The following BCAR3 variants were observed in gnomAD, a reference collection of about 807,000 sequenced individuals.
The protein encoded by BCAR3 is breast cancer anti-estrogen resistance protein 3.
In BCAR3, 37 loss-of-function variants were observed where a neutral mutation model predicts 80.1. The ratio of observed to expected loss-of-function variants is 0.46; its 90% CI spans 0.36 to 0.61. The LOEUF (loss-of-function observed/expected upper bound fraction) is 0.61. Ranked by LOEUF, BCAR3 falls within the 20% of genes least tolerant of loss-of-function variation. BCAR3 has a pLI of 0.00. For synonymous variants in BCAR3, 389 were observed against 418.9 expected (o/e 0.93, Z 0.87); for missense variants, 978 against 1,068.2 (o/e 0.92, Z 1.18).
intron 7 of BCAR3, among the ~76,000 whole-genome samples, chr1:93,579,111 G>A (rs900200706): frequency 6.6e-6 from 1 of 152,196 alleles, no homozygotes; most frequent in African/African-American, 2.4e-5. Context: ...GGACACAGCA[G>A]GACAGGGAGC....
intron 2 of BCAR3, among the ~76,000 whole-genome samples, chr1:93,749,648 A>G (rs1651482814): frequency 2.0e-5 from 3 of 151,992 alleles, no homozygotes. Flanking sequence ...AACAAAACTG[A>G]AACTAGGAAG....
At chr1:93,773,258 A>G (rs1258368447) in intron 2 of BCAR3, among the ~76,000 whole-genome samples, 1 of 152,224 alleles carries the variant, frequency 6.6e-6, no homozygotes, top group Non-Finnish European at 1.5e-5. Flanking sequence ...TGAAAGTCAC[A>G]GTTGTTCAAA....
chr1:93,568,720 A>C (rs1049489081), intron 9 of BCAR3, among the ~76,000 whole-genome samples: 1 of 152,356 alleles, frequency 6.6e-6, no homozygotes. Context: ...TTGCCTCAAA[A>C]GCATTCAGTA....
intron 2 of BCAR3, among the ~76,000 whole-genome samples, chr1:93,710,120 C>G (rs115540231): frequency 0.017 from 2,600 of 152,262 alleles, 68 homozygotes; most frequent in African/African-American, 0.059. Context: ...CTCTGTAAAA[C>G]AGTATAAACT....
chr1:93,674,017 G>GT (rs747796359), intron 2 of BCAR3, among the ~76,000 whole-genome samples: 54 of 152,108 alleles, frequency 3.6e-4, no homozygotes, highest in African/African-American at 7.5e-4. Context: ...AGGTGTTATA[G>GT]TTTTTTTTAC....
intron 2 of BCAR3, among the ~76,000 whole-genome samples, chr1:93,722,402 A>G (rs1650436205): frequency 6.6e-6 from 1 of 152,210 alleles, no homozygotes; most frequent in Non-Finnish European, 1.5e-5. Context: ...TTTTAACTTC[A>G]GAAATCAGAT....
chr1:93,749,113 T>A (rs1651454568), intron 2 of BCAR3, among the ~76,000 whole-genome samples: 1 of 151,444 alleles, frequency 6.6e-6, no homozygotes, highest in Non-Finnish European at 1.5e-5. Context: ...AATAATGGTA[T>A]GTGTGTGGGC....
At chr1:93,624,757 T>C (rs1378723256) in intron 3 of BCAR3, among the ~76,000 whole-genome samples, 1 of 152,324 alleles carries the variant, frequency 6.6e-6, no homozygotes, top group Non-Finnish European at 1.5e-5. Flanking sequence ...GTTCATGGTA[T>C]TTGCAAGAAG....
chr1:93,645,428 T>C (rs557445066), intron 2 of BCAR3, among the ~76,000 whole-genome samples: 1 of 152,294 alleles, frequency 6.6e-6, no homozygotes, highest in South Asian at 2.1e-4. Context: ...CACATTTACA[T>C]TAAGGAAAAA....
chr1:93,575,870 AAG>A (rs1570918258), intron 8 of BCAR3, 142 bp downstream of exon 8: 2 of 627,442 alleles, frequency 3.2e-6, no homozygotes, highest in East Asian at 5.6e-5. Flanking sequence ...GGCTTCTGGG[AAG>A]AGTCGCTGTA....
intron 2 of BCAR3, among the ~76,000 whole-genome samples, chr1:93,822,495 A>G (rs1211117340): frequency 5.3e-5 from 8 of 151,976 alleles, no homozygotes; most frequent in African/African-American, 1.7e-4. Flanking sequence ...GTCTGCCACC[A>G]TGCCTGGCTA....
chr1:93,828,065 A>G (rs1056504790), intron 2 of BCAR3, among the ~76,000 whole-genome samples: 13 of 152,290 alleles, frequency 8.5e-5, no homozygotes, highest in Admixed American at 7.8e-4. Context: ...TCAGGAGATC[A>G]AGGCTGCAGT....
Position 93,582,719 on chromosome 1 carries a change from A to C in BCAR3, c.1268T>G (p.Leu423Arg). The C allele has an allele frequency of 6.2e-7, 1 of 1,614,022 alleles. No individual in the cohort carries two copies. The highest frequency in any genetic ancestry group is 8.5e-7 in the Non-Finnish European group (1 of 1,179,986). ...LKVPSSPSAW[L>R]NSEANYCELN... is the part of the protein sequence containing the mutation. ...TTCACAGTAGTTGGCCTCTGAGTTG[A>C]GCCAGGCAGAGGGAGACGAGGGAAC... Residue 423 changes from leucine (L) to arginine (R), a missense_variant, in exon 7 of 12, where the codon CTC (leucine) becomes CGC (arginine). Transcript: ENST00000260502.
At chr1:93,841,746 C>T (rs1309033250) in intron 2 of BCAR3, among the ~76,000 whole-genome samples, 2 of 152,152 alleles carry the variant, frequency 1.3e-5, no homozygotes, top group African/African-American at 2.4e-5. Flanking sequence ...GTTTCTTGTC[C>T]TCTTCTGAAC....
At chr1:93,801,675 T>C (rs1653483324) in intron 2 of BCAR3, among the ~76,000 whole-genome samples, 1 of 152,212 alleles carries the variant, frequency 6.6e-6, no homozygotes, top group Non-Finnish European at 1.5e-5. Flanking sequence ...AGACAGTTTC[T>C]CAGGCTGGGT....
chr1:93,643,880 C>T (rs1209248347), intron 2 of BCAR3, among the ~76,000 whole-genome samples: 1 of 152,078 alleles, frequency 6.6e-6, no homozygotes, highest in African/African-American at 2.4e-5. Context: ...GCATGTATTC[C>T]ATAGCATCAT....
chr1:93,786,192 C>CAAAAAAA (rs61644309), intron 2 of BCAR3, among the ~76,000 whole-genome samples: 1,362 of 23,214 alleles, frequency 0.059, 285 homozygotes, highest in East Asian at 0.13. Flanking sequence ...GACTCCGTCT[C>CAAAAAAA]AAAAAAAAAA....
At chr1:93,616,034 A>G (rs1367040242) in intron 3 of BCAR3, among the ~76,000 whole-genome samples, 1 of 152,230 alleles carries the variant, frequency 6.6e-6, no homozygotes, top group Non-Finnish European at 1.5e-5. Flanking sequence ...TGAAAGTAAT[A>G]TGCAAATAAC....
At chr1:93,624,731 T>C (rs925884221) in intron 3 of BCAR3, among the ~76,000 whole-genome samples, 1 of 152,232 alleles carries the variant, frequency 6.6e-6, no homozygotes, top group African/African-American at 2.4e-5. Flanking sequence ...TGCATATTTC[T>C]AGAGACGTGG....
Sources: gnomAD v4.1 joint callset for allele counts (sites outside exome capture counted in the v4.1 genomes callset) on GRCh38, gnomAD v4.1.1 for gene constraint, MANE v1.5 for transcripts, NCBI Gene and HGNC (gene_info 2026-07-23, HGNC 2026-07-21) for gene names.